The following BMP2K variants were observed in gnomAD, a reference collection of about 807,000 sequenced individuals.
BMP2K encodes the protein BMP-2-inducible protein kinase.
Under a neutral mutation model 116.0 loss-of-function variants are expected in BMP2K, and 74 were observed. The ratio of observed to expected loss-of-function variants is 0.64; its 90% CI spans 0.53 to 0.77. The LOEUF is 0.77. Among genes scored for constraint, BMP2K ranks in the 30% least tolerant of loss-of-function variants. The pLI is 0.00. For synonymous variants in BMP2K, 486 were observed against 502.5 expected (o/e 0.97, Z 0.44); for missense variants, 1,365 against 1,403.6 (o/e 0.97, Z 0.44).
At chr4:78,874,149 G>C (rs1256955272) in intron 13 of BMP2K, among the ~76,000 whole-genome samples, 2 of 151,560 alleles carry the variant, frequency 1.3e-5, no homozygotes, top group African/African-American at 4.9e-5. Context: ...CTGCACTCCA[G>C]CCTGGCAACA....
chr4:78,832,830 T>A (rs892696891), intron 2 of BMP2K, among the ~76,000 whole-genome samples: 2 of 152,098 alleles, frequency 1.3e-5, no homozygotes, highest in Admixed American at 6.5e-5. Context: ...ATAATTCCCA[T>A]GTTCAGTGGC....
chr4:78,836,029 C>CT (rs1018545463), intron 3 of BMP2K, among the ~76,000 whole-genome samples: 9 of 151,030 alleles, frequency 6.0e-5, no homozygotes, highest in South Asian at 2.1e-4. Flanking sequence ...TTTTCTTATC[C>CT]TTTTTTTTTC....
At chr4:78,825,032 G>A (rs1043410711) in intron 1 of BMP2K, among the ~76,000 whole-genome samples, 9 of 152,016 alleles carry the variant, frequency 5.9e-5, no homozygotes, top group Admixed American at 5.9e-4. Flanking sequence ...GTGAAGCCTC[G>A]TCTCTACTGA....
intron 15 of BMP2K, among the ~76,000 whole-genome samples, chr4:78,891,611 A>G (rs1329823292): frequency 6.6e-6 from 1 of 152,046 alleles, no homozygotes; most frequent in South Asian, 2.1e-4. Flanking sequence ...CCTTGGCTTT[A>G]TATTACAGAC....
At chr4:78,838,302 G>A (rs766905998) in intron 3 of BMP2K, among the ~76,000 whole-genome samples, 1 of 152,228 alleles carries the variant, frequency 6.6e-6, no homozygotes, top group Admixed American at 6.5e-5. Context: ...GGGATTTCGC[G>A]ATGAGCTTTG....
At chr4:78,900,362 G>A (rs757241591) in intron 15 of BMP2K, among the ~76,000 whole-genome samples, 33 of 152,086 alleles carry the variant, frequency 2.2e-4, no homozygotes, top group Non-Finnish European at 4.3e-4. Context: ...TGACTGTGTC[G>A]GAGGTTGATA....
rs1185450260 is a variant in BMP2K at position 78,914,281 on chromosome 4, C to T, written c.*2248C>T. On this transcript the variant is annotated 3_prime_UTR_variant, in exon 16 of 16. Coordinates refer to ENST00000502613, the MANE Select transcript of BMP2K (RefSeq NM_198892.2). ...TAAATGATTCTGACACTGATGTAGACCCTTTGACTTATAAATTCTGAGGAA... is the reference window on the plus strand; with the variant it reads ...TAAATGATTCTGACACTGATGTAGATCCTTTGACTTATAAATTCTGAGGAA... 6.6e-6 allele frequency: 1 copy of T among 151,984 alleles called. No homozygotes were observed. The highest frequency in any genetic ancestry group is 1.5e-5 in the Non-Finnish European group (1 of 67,940). 9.4% of individuals were successfully genotyped at this position (151,984 alleles called of 1,614,324 possible).
rs1733143951 is a variant in BMP2K at position 78,887,216 on chromosome 4, C to G, written c.1994C>G (p.Ser665Ter). 1 of 1,611,710 alleles carries G rather than the reference C, an allele frequency of 6.2e-7. No individual in the cohort carries two copies. Among genetic ancestry groups the G allele is most frequent in the Non-Finnish European group, 8.5e-7 (1 of 1,178,922 alleles). The change falls in exon 15 of 16, where the codon TCA (serine) becomes TGA (stop). Residue 665 changes from serine to a stop codon, truncating the protein, a stop_gained. Transcript: ENST00000502613. LOFTEE classifies it high-confidence loss of function. Reference sequence around the variant, plus strand: ...GCATCCTCAGATAAGAATGTAGACTCACTTTCTGCTCCACATAACCATCCT... The same window carrying G: ...GCATCCTCAGATAAGAATGTAGACTGACTTTCTGCTCCACATAACCATCCT... The part of the protein sequence containing the change: ...ERASSDKNVD[S>*]LSAPHNHPPE...
chr4:78,800,918 T>C (rs772744600), intron 1 of BMP2K, among the ~76,000 whole-genome samples: 56 of 152,250 alleles, frequency 3.7e-4, no homozygotes, highest in Non-Finnish European at 6.9e-4. Context: ...AAACATTTAA[T>C]AGACCTTTCC....
Position 78,776,444 on chromosome 4 carries a change from C to T in BMP2K, c.-100C>T. ...CTTGGCGGGCCGCAGCACGCTCGGA[C>T]GGGCCAGGGGCGGCGACCCCTCGCG... is the stretch of plus-strand genomic sequence containing the variant. On this transcript the variant is annotated 5_prime_UTR_variant, in exon 1 of 16. It adds an upstream start codon to the 5' untranslated region. Transcript: ENST00000502613. 1 of 1,061,014 alleles carries T rather than the reference C, an allele frequency of 9.4e-7. No individual in the cohort carries two copies. Among genetic ancestry groups the T allele is most frequent in the Non-Finnish European group, 1.1e-6 (1 of 872,208 alleles). The allele number at this position is 1,061,014 out of a possible 1,614,324, so 65.7% of individuals were successfully genotyped here. A position where few individuals can be genotyped will look rare whatever the true frequency, so the allele number is the denominator to read the frequency against.
chr4:78,872,579 A>C, intron 12 of BMP2K, 35 bp from the exon 13 acceptor site: 1 of 1,592,556 alleles, frequency 6.3e-7, no homozygotes, highest in South Asian at 1.1e-5. Flanking sequence ...TTAGGACTGG[A>C]GCATTGTTTT....
intron 1 of BMP2K, among the ~76,000 whole-genome samples, chr4:78,777,257 CAGTT>C (rs1188481527): frequency 1.3e-5 from 2 of 152,174 alleles, no homozygotes; most frequent in African/African-American, 2.4e-5. Flanking sequence ...GCTCTAAATT[CAGTT>C]AGTAGGTTGC....
At chr4:78,903,990 T>C (rs1734153881) in intron 15 of BMP2K, among the ~76,000 whole-genome samples, 1 of 151,952 alleles carries the variant, frequency 6.6e-6, no homozygotes, top group Admixed American at 6.6e-5. Flanking sequence ...GGTCTCAGAT[T>C]TCTTACGTAT....
In BMP2K at chr4:78,914,759, A is replaced by C. The variant is rs1734902558; in HGVS notation, c.*2726A>C. Reference sequence around the variant, plus strand: ...ATATATTTGGGGTTTTTTTTCCCTAATATTATTTGGGTGTCCCCTGTGCTT... The same window carrying C: ...ATATATTTGGGGTTTTTTTTCCCTACTATTATTTGGGTGTCCCCTGTGCTT... On this transcript the variant is annotated 3_prime_UTR_variant, in exon 16 of 16. Coordinates refer to ENST00000502613, the MANE Select transcript of BMP2K (RefSeq NM_198892.2). 1 of 150,616 alleles carries C rather than the reference A, an allele frequency of 6.6e-6. No homozygotes were observed. The highest frequency in any genetic ancestry group is 2.4e-5 in the African/African-American group (1 of 40,976). 9.3% of individuals were successfully genotyped at this position (150,616 alleles called of 1,614,324 possible).
chr4:78,782,321 T>G (rs993125525), intron 1 of BMP2K, among the ~76,000 whole-genome samples: 9 of 152,248 alleles, frequency 5.9e-5, no homozygotes, highest in Admixed American at 5.2e-4. Flanking sequence ...CTACTGTTCC[T>G]CTGTCATCTC....
At chr4:78,882,689 T>C (rs1466560897) in intron 14 of BMP2K, among the ~76,000 whole-genome samples, 1 of 151,988 alleles carries the variant, frequency 6.6e-6, no homozygotes, top group African/African-American at 2.4e-5. Context: ...TCATGAAATA[T>C]ATTTCATTTA....
At chr4:78,907,954 A>G (rs1734371672) in intron 15 of BMP2K, among the ~76,000 whole-genome samples, 2 of 152,166 alleles carry the variant, frequency 1.3e-5, no homozygotes, top group African/African-American at 4.8e-5. Context: ...GGAACCGTAC[A>G]TATTTTATTT....
intron 15 of BMP2K, chr4:78,906,229 C>G (rs1734277267): frequency 6.6e-6 from 1 of 152,012 alleles, no homozygotes; most frequent in African/African-American, 2.4e-5. Flanking sequence ...CTGCTCTTTA[C>G]TTTTTATAAG....
At chr4:78,823,662 A>G (rs568179463) in intron 1 of BMP2K, among the ~76,000 whole-genome samples, 72 of 150,930 alleles carry the variant, frequency 4.8e-4, no homozygotes, top group African/African-American at 1.6e-3. Context: ...CTGTATAAAT[A>G]TATAAATGGG....
Sources: allele counts gnomAD v4.1 joint callset (sites outside exome capture counted in the v4.1 genomes callset), GRCh38; gene constraint gnomAD v4.1.1; transcripts MANE v1.5; gene names NCBI Gene and HGNC (gene_info 2026-07-23, HGNC 2026-07-21).